The following ADGRL3 variants were observed in gnomAD, a reference collection of about 807,000 sequenced individuals.
ADGRL3 encodes the protein adhesion G protein-coupled receptor L3.
ADGRL3 carries 62 observed loss-of-function variants against 153.5 expected under a neutral mutation model. The ratio of observed to expected loss-of-function variants is 0.40; its 90% CI spans 0.33 to 0.50. The LOEUF is 0.50. Ranked by LOEUF, ADGRL3 falls within the 20% of genes least tolerant of loss-of-function variation. The pLI is 0.47. For missense variants in ADGRL3, 1,641 were observed against 1,859.4 expected (o/e 0.88, Z 2.16); for synonymous variants, 710 against 672.5 (o/e 1.06, Z -0.86).
chr4:61,713,929 G>T (rs1419637141), intron 6 of ADGRL3, among the ~76,000 whole-genome samples: 1 of 152,066 alleles, frequency 6.6e-6, no homozygotes, highest in East Asian at 1.9e-4. Flanking sequence ...GTGAACTCAG[G>T]ATTCATGGTC....
intron 8 of ADGRL3, among the ~76,000 whole-genome samples, chr4:61,781,777 A>G (rs767590128): frequency 1.6e-4 from 25 of 152,304 alleles, no homozygotes; most frequent in Non-Finnish European, 3.1e-4. Flanking sequence ...CTAAACCATA[A>G]GAAAAAGTAA....
intron 17 of ADGRL3, among the ~76,000 whole-genome samples, chr4:61,959,803 A>G (rs760710753): frequency 1.3e-5 from 2 of 152,200 alleles, no homozygotes; most frequent in East Asian, 1.9e-4. Flanking sequence ...CTTTATTATT[A>G]GAAAACAAAA....
chr4:61,834,473 C>G (rs1289999509), intron 9 of ADGRL3, among the ~76,000 whole-genome samples: 2 of 152,056 alleles, frequency 1.3e-5, no homozygotes, highest in Non-Finnish European at 2.9e-5. Context: ...GGGTATACAC[C>G]CAGTAACAGG....
intron 5 of ADGRL3, among the ~76,000 whole-genome samples, chr4:61,596,683 T>A (rs189255312): frequency 6.6e-6 from 1 of 152,212 alleles, no homozygotes; most frequent in Non-Finnish European, 1.5e-5. Flanking sequence ...TGAGACCTCG[T>A]CTCTACCAAA....
intron 1 of ADGRL3, among the ~76,000 whole-genome samples, chr4:61,346,121 C>G (rs1185437958): frequency 1.3e-5 from 2 of 152,012 alleles, no homozygotes; most frequent in Admixed American, 1.3e-4. Context: ...CTGTCAGTGA[C>G]TAGGCATACT....
chr4:61,712,820 C>T (rs746478485), intron 6 of ADGRL3, among the ~76,000 whole-genome samples: 10 of 152,126 alleles, frequency 6.6e-5, no homozygotes, highest in Non-Finnish European at 1.3e-4. Context: ...GGTTTTAGTT[C>T]CTTTTGTCTC....
chr4:61,342,417 C>T (rs1309922383), intron 1 of ADGRL3, among the ~76,000 whole-genome samples: 1 of 152,112 alleles, frequency 6.6e-6, no homozygotes, highest in South Asian at 2.1e-4. Context: ...GGCTATTTCT[C>T]TAGAGAAATG....
In ADGRL3 at chr4:61,306,284, G is replaced by T. The variant is rs535852989; in HGVS notation, c.-239-76840G>T. Among the ~76,000 whole-genome samples, 4 of 152,004 alleles carry T rather than the reference G, an allele frequency of 2.6e-5. No individual in the cohort carries two copies. In the East Asian group the frequency reaches 7.8e-4, roughly 30 times the overall value. ...GGCTAATTTTTTTGTATTTTTAGTA[G>T]AGACGGGGTTTCACCGTGTTAGCCA... is the stretch of plus-strand genomic sequence containing the variant. On this transcript the variant is annotated intron_variant, in intron 1 of 26. Transcript: ENST00000683033.
intron 5 of ADGRL3, among the ~76,000 whole-genome samples, chr4:61,637,551 G>A (rs1053792719): frequency 6.6e-6 from 1 of 152,152 alleles, no homozygotes; most frequent in African/African-American, 2.4e-5. Flanking sequence ...ATCACTGGAG[G>A]TTAGGAGTTT....
intron 4 of ADGRL3, among the ~76,000 whole-genome samples, chr4:61,546,038 T>C (rs1448685033): frequency 1.3e-5 from 2 of 152,228 alleles, no homozygotes; most frequent in African/African-American, 4.8e-5. Flanking sequence ...CATTCTTGTC[T>C]AAGCCCTGGT....
chr4:61,554,760 T>C (rs1279228220), intron 4 of ADGRL3, among the ~76,000 whole-genome samples: 2 of 152,154 alleles, frequency 1.3e-5, no homozygotes, highest in African/African-American at 4.8e-5. Flanking sequence ...CCCCTTAGGT[T>C]ATGGAGCTGG....
intron 24 of ADGRL3, 128 bp downstream of exon 24, chr4:62,037,984 C>A: frequency 1.0e-6 from 1 of 961,202 alleles, no homozygotes; most frequent in Non-Finnish European, 1.6e-6. Flanking sequence ...CTGTGTCTCA[C>A]ATGGGAATGA....
At chr4:61,312,129 T>A (rs184245611) in intron 1 of ADGRL3, among the ~76,000 whole-genome samples, 1 of 152,240 alleles carries the variant, frequency 6.6e-6, no homozygotes, top group Admixed American at 6.5e-5. Context: ...TATAGTCAAC[T>A]GATCATTGAC....
intron 21 of ADGRL3, among the ~76,000 whole-genome samples, chr4:62,008,895 G>A (rs992796159): frequency 6.6e-6 from 1 of 151,932 alleles, no homozygotes; most frequent in Non-Finnish European, 1.5e-5. Flanking sequence ...TTTGTTTCCT[G>A]TACCTTTCTT....
chr4:61,665,016 G>A (rs537341469), intron 5 of ADGRL3, among the ~76,000 whole-genome samples: 3 of 152,152 alleles, frequency 2.0e-5, no homozygotes, highest in Non-Finnish European at 2.9e-5. Flanking sequence ...ATTATTTTAG[G>A]CATAAATATG....
At chr4:61,265,622 G>A (rs560487570) in intron 1 of ADGRL3, among the ~76,000 whole-genome samples, 1 of 151,860 alleles carries the variant, frequency 6.6e-6, no homozygotes, top group Non-Finnish European at 1.5e-5. Flanking sequence ...GGAGAAAAAA[G>A]TGAGATAATT....
intron 6 of ADGRL3, among the ~76,000 whole-genome samples, chr4:61,726,153 A>C (rs112246664): frequency 4.9e-4 from 73 of 150,510 alleles, no homozygotes; most frequent in Non-Finnish European, 1.0e-3. Context: ...AAAATCTGAA[A>C]ATTTTTTAGT....
At position 62,077,274 on chromosome 4, in the gene ADGRL3, T is replaced by C. The variant is rs1747450622; in HGVS notation, c.*6366T>C. 6.6e-6 allele frequency: 1 copy of C among 151,968 alleles called. No individual in the cohort carries two copies. Among genetic ancestry groups the C allele is most frequent in the Non-Finnish European group, 1.5e-5 (1 of 67,890 alleles). The allele number at this position is 151,968 out of a possible 1,614,324, so 9.4% of individuals were successfully genotyped here. A position where few individuals can be genotyped will look rare whatever the true frequency, so the allele number is the denominator to read the frequency against. On this transcript the variant is annotated 3_prime_UTR_variant, in exon 27 of 27. Coordinates refer to ENST00000683033, the MANE Select transcript of ADGRL3 (RefSeq NM_001387552.1). The stretch of plus-strand genomic sequence containing the variant: ...TTTTTAAATGATGATGCTCCACTCT[T>C]TGATCTACAGACAAGGTTACAAAAG...
At chr4:61,437,357 A>G (rs1000312265) in intron 2 of ADGRL3, among the ~76,000 whole-genome samples, 4 of 152,288 alleles carry the variant, frequency 2.6e-5, no homozygotes, top group African/African-American at 9.6e-5. Context: ...GTCATTGCAA[A>G]GTTTATTCAG....
Sources: allele counts gnomAD v4.1 joint callset (sites outside exome capture counted in the v4.1 genomes callset), GRCh38; gene constraint gnomAD v4.1.1; transcripts MANE v1.5; gene names NCBI Gene and HGNC (gene_info 2026-07-23, HGNC 2026-07-21).